Variants in LSMEM1 observed in about 807,000 individuals in gnomAD.
The protein encoded by LSMEM1 is leucine-rich single-pass membrane protein 1.
A neutral mutation model predicts 11.3 loss-of-function variants in LSMEM1; 10 were observed. The observed-to-expected ratio is 0.89, with a 90% CI of 0.55 to 1.50. The LOEUF is 1.50. Among genes scored for constraint, LSMEM1 ranks in the 40% most tolerant of loss-of-function variants. The pLI is 0.00. For synonymous variants in LSMEM1, 65 were observed against 59.3 expected, an observed-to-expected ratio of 1.10 and a Z score of -0.44; for missense variants, 151 against 152.9, an observed-to-expected ratio of 0.99 and a Z score of 0.06.
chr7:112,483,103 A>G (rs1488862362), intron 1 of LSMEM1, among the ~76,000 whole-genome samples: 3 of 148,262 alleles, frequency 2.0e-5, no homozygotes, highest in Non-Finnish European at 4.5e-5. Context: ...AGTGTCTGAT[A>G]CTTTTTTTCC....
chr7:112,485,766 A>G (rs573633769), intron 2 of LSMEM1, among the ~76,000 whole-genome samples: 126 of 152,168 alleles, frequency 8.3e-4, no homozygotes, highest in Non-Finnish European at 1.2e-3. Flanking sequence ...CGTATGGCAT[A>G]GGATGTACTT....
Position 112,490,044 on chromosome 7 carries a change from G to A in LSMEM1, c.*95G>A. On this transcript the variant is annotated 3_prime_UTR_variant, in exon 4 of 4. Coordinates refer to ENST00000312849, the MANE Select transcript of LSMEM1 (RefSeq NM_182597.3). ...GGAACTGAGAAAGTGCACTTCCTCA[G>A]GCAACAGATGATCTGGTCAGGCAAC... 1 of 1,401,880 alleles carries A rather than the reference G, an allele frequency of 7.1e-7. No homozygotes were observed. Among genetic ancestry groups the A allele is most frequent in the Non-Finnish European group, 9.6e-7 (1 of 1,043,534 alleles). The allele number at this position is 1,401,880 out of a possible 1,614,324, so 86.8% of individuals were successfully genotyped here. A position where few individuals can be genotyped will look rare whatever the true frequency, so the allele number is the denominator to read the frequency against.
At chr7:112,487,912 AT>A (rs1386364641) in intron 3 of LSMEM1, among the ~76,000 whole-genome samples, 1 of 152,222 alleles carries the variant, frequency 6.6e-6, no homozygotes, top group Non-Finnish European at 1.5e-5. Flanking sequence ...CTGCACTGTC[AT>A]TTCTTTCACC....
At chr7:112,488,588 C>T (rs1796181127) in intron 3 of LSMEM1, among the ~76,000 whole-genome samples, 1 of 149,908 alleles carries the variant, frequency 6.7e-6, no homozygotes, top group Non-Finnish European at 1.5e-5. Flanking sequence ...GTGTAGAATC[C>T]ATTATTATTA....
At chr7:112,482,640 T>C (rs1796052661) in intron 1 of LSMEM1, among the ~76,000 whole-genome samples, 1 of 151,516 alleles carries the variant, frequency 6.6e-6, no homozygotes. Flanking sequence ...ATGAAACACA[T>C]CTAAAAGAAT....
At chr7:112,481,439 T>C (rs1563277693) in intron 1 of LSMEM1, 93 bp downstream of exon 1, 1 of 152,344 alleles carries the variant, frequency 6.6e-6, no homozygotes, top group African/African-American at 2.4e-5. Context: ...GTTTTTCATT[T>C]TTGATAGAAA....
Sources: gnomAD v4.1 joint callset for allele counts (sites outside exome capture counted in the v4.1 genomes callset) on GRCh38, gnomAD v4.1.1 for gene constraint, MANE v1.5 for transcripts, NCBI Gene and HGNC (gene_info 2026-07-23, HGNC 2026-07-21) for gene names.